Variants in COBLL1 observed in about 807,000 individuals in gnomAD.
The protein encoded by COBLL1 is cordon-bleu protein-like 1.
In COBLL1, 50 loss-of-function variants were observed where a neutral mutation model predicts 94.8. The ratio of observed to expected loss-of-function variants is 0.53; its 90% CI spans 0.42 to 0.67. COBLL1 has a LOEUF of 0.67. Ranked by LOEUF, COBLL1 falls within the 30% of genes least tolerant of loss-of-function variation. The pLI is 0.00. For synonymous variants in COBLL1, 448 were observed against 473.8 expected, an observed-to-expected ratio of 0.95 and a Z score of 0.71; for missense variants, 1,362 against 1,348.7, an observed-to-expected ratio of 1.01 and a Z score of -0.15.
chr2:164,804,761 G>A (rs916552660), intron 2 of COBLL1, among the ~76,000 whole-genome samples: 5 of 152,022 alleles, frequency 3.3e-5, no homozygotes, highest in African/African-American at 4.8e-5. Context: ...CCTGGTTTAC[G>A]TAACCTGCAT....
At chr2:164,841,947 TCTCA>T, upstream of COBLL1, 13 of 1,534,578 alleles carry the variant, frequency 8.5e-6, no homozygotes, top group Non-Finnish European at 1.1e-5. The surrounding 1 kb of genome is among the most constrained non-coding windows in gnomAD (Gnocchi z 5.5). Context: ...GAGCCCGCTC[TCTCA>T]CTCACCCTGC....
At chr2:164,751,786 T>C (rs1326113289) in intron 2 of COBLL1, among the ~76,000 whole-genome samples, 1 of 152,040 alleles carries the variant, frequency 6.6e-6, no homozygotes. Context: ...CTCAGGAAGT[T>C]TCTAAATGGT....
At chr2:164,714,101 A>T (rs1685043293) in intron 7 of COBLL1, among the ~76,000 whole-genome samples, 1 of 151,918 alleles carries the variant, frequency 6.6e-6, no homozygotes, top group Non-Finnish European at 1.5e-5. Flanking sequence ...TCTCTCTCTC[A>T]GGCCAGGTCA....
In COBLL1 at chr2:164,700,523, G is replaced by A; in HGVS notation, c.1459C>T (p.Gln487Ter). 1.3e-6 allele frequency: 2 copies of A among 1,595,646 alleles called. No individual in the cohort carries two copies. Among genetic ancestry groups the A allele is most frequent in the African/African-American group, 2.7e-5 (2 of 74,622 alleles). Residue 487 changes from glutamine (Q) to a stop codon, truncating the protein, a stop_gained and splice_region_variant, in exon 10 of 14, where the codon CAA becomes TAA. Transcript: ENST00000652658. LOFTEE classifies it high-confidence loss of function. ...CACTCCAGCACAGAGACTACTTACT[G>A]TCCATCTGTGCTTTTAGTTTCTTGT... ...EKQETKSTDG[Q>*]EPHSVVYDTS...
intron 2 of COBLL1, among the ~76,000 whole-genome samples, chr2:164,771,323 G>A (rs924183026): frequency 7.3e-5 from 11 of 151,712 alleles, no homozygotes; most frequent in Non-Finnish European, 1.5e-4. Flanking sequence ...CATGTAACAC[G>A]TAATCAATTT....
chr2:164,841,915 C>T (rs1224164201), upstream of COBLL1: 1 of 1,464,600 alleles, frequency 6.8e-7, no homozygotes, highest in Non-Finnish European at 9.2e-7. The surrounding 1 kb of genome is among the most constrained non-coding windows in gnomAD (Gnocchi z 5.5). Flanking sequence ...CGGGCGCTGG[C>T]TGGGCGCTGG....
intron 5 of COBLL1, among the ~76,000 whole-genome samples, chr2:164,725,758 G>A (rs1685695850): frequency 6.6e-6 from 1 of 152,078 alleles, no homozygotes; most frequent in Admixed American, 6.6e-5. Context: ...CAGGTACATG[G>A]TCATCCTCCA....
rs1232777713 is a variant in COBLL1 at position 164,826,892 on chromosome 2, TTTCG to T, written c.41+14260_41+14263del. Among the ~76,000 whole-genome samples the T allele has an allele frequency of 6.9e-3, 510 of 73,984 alleles. 1 individual carries two copies. Among genetic ancestry groups the T allele is most frequent in the Admixed American group, 9.9e-3 (86 of 8,650 alleles). 48.5% of individuals were successfully genotyped at this position (73,984 alleles called of 152,430 possible). On this transcript the variant is annotated intron_variant, in intron 2 of 13. Transcript: ENST00000652658. Reference sequence around the variant, plus strand: ...ATTTCTTTAAAGTTTTTTGTCTTTGTTTCGTTTTTTTTTTTGTTTCTCTCTCTTT... The same window carrying T: ...ATTTCTTTAAAGTTTTTTGTCTTTGTTTTTTTTTTTTGTTTCTCTCTCTTT...
chr2:164,712,331 T>C (rs962213345), intron 7 of COBLL1, among the ~76,000 whole-genome samples: 1 of 152,148 alleles, frequency 6.6e-6, no homozygotes, highest in Non-Finnish European at 1.5e-5. Flanking sequence ...ATGTTTCTAA[T>C]AGAATCTGTT....
At chr2:164,790,647 C>A (rs557296426) in intron 2 of COBLL1, among the ~76,000 whole-genome samples, 4 of 152,214 alleles carry the variant, frequency 2.6e-5, no homozygotes, top group South Asian at 2.1e-4. Flanking sequence ...ATCTGAGAGA[C>A]AAATGTCTGA....
chr2:164,775,357 A>G (rs1009227134), intron 2 of COBLL1, among the ~76,000 whole-genome samples: 3 of 152,078 alleles, frequency 2.0e-5, no homozygotes, highest in Non-Finnish European at 4.4e-5. Flanking sequence ...ATGGCACTCT[A>G]AACATTTGAT....
chr2:164,766,388 G>T (rs1326660272), intron 2 of COBLL1, among the ~76,000 whole-genome samples: 1 of 152,120 alleles, frequency 6.6e-6, no homozygotes, highest in Non-Finnish European at 1.5e-5. Context: ...TGAATCATGG[G>T]GGTGGATTTC....
At chr2:164,703,196 C>CT in intron 9 of COBLL1, 2 of 1,613,358 alleles carry the variant, frequency 1.2e-6, no homozygotes, top group Non-Finnish European at 1.7e-6. Context: ...CTGCTCCTGA[C>CT]TGGAAAGCCC....
chr2:164,834,172 A>G (rs1197219795), intron 2 of COBLL1, among the ~76,000 whole-genome samples: 6 of 152,238 alleles, frequency 3.9e-5, no homozygotes, highest in African/African-American at 9.6e-5. Flanking sequence ...AACAACAACA[A>G]TAAAAATACT....
chr2:164,714,033 G>GA (rs975368838), intron 7 of COBLL1, among the ~76,000 whole-genome samples: 2 of 151,456 alleles, frequency 1.3e-5, no homozygotes, highest in African/African-American at 4.9e-5. Flanking sequence ...AAAGGTGAAG[G>GA]AAAAAAAATG....
intron 2 of COBLL1, among the ~76,000 whole-genome samples, chr2:164,768,749 A>G (rs1688057898): frequency 6.6e-6 from 1 of 152,160 alleles, no homozygotes. Context: ...TCACAATTAA[A>G]TTTAAAGATA....
intron 5 of COBLL1, among the ~76,000 whole-genome samples, chr2:164,726,522 A>T (rs879493251): frequency 2.0e-5 from 3 of 152,168 alleles, no homozygotes; most frequent in Non-Finnish European, 2.9e-5. Context: ...TAATAAAAAA[A>T]TCACATACCA....
chr2:164,818,788 A>ATATATATATATATATATAT (rs1321512077), intron 2 of COBLL1, among the ~76,000 whole-genome samples: 6 of 149,662 alleles, frequency 4.0e-5, no homozygotes, highest in Admixed American at 1.3e-4. Context: ...ATATACATAT[A>ATATATATATATATATATAT]ATTTTTTTTC....
chr2:164,726,841 G>C (rs1180288036), intron 5 of COBLL1, among the ~76,000 whole-genome samples: 1 of 151,950 alleles, frequency 6.6e-6, no homozygotes, highest in African/African-American at 2.4e-5. Flanking sequence ...ATTTTTCCTT[G>C]TATGAGAGTA....
Sources: gnomAD v4.1 joint callset for allele counts (sites outside exome capture counted in the v4.1 genomes callset) on GRCh38, gnomAD v4.1.1 for gene constraint, Gnocchi (gnomAD v3.1) non-coding constraint, MANE v1.5 for transcripts, NCBI Gene and HGNC (gene_info 2026-07-23, HGNC 2026-07-21) for gene names.